Variants in PPP2R5E observed in about 807,000 individuals in gnomAD.
PPP2R5E encodes protein phosphatase 2 regulatory subunit B'epsilon, also known as serine/threonine-protein phosphatase 2A 56 kDa regulatory subunit epsilon isoform.
Under a neutral mutation model 65.3 loss-of-function variants are expected in PPP2R5E, and 4 were observed. That is an observed-to-expected ratio of 0.06 (90% CI 0.03 to 0.14). The LOEUF (loss-of-function observed/expected upper bound fraction) is 0.14. PPP2R5E is among the 10% of genes least tolerant of loss of function. The pLI, the probability that PPP2R5E is intolerant of heterozygous loss-of-function variation, is 1.00. For missense variants in PPP2R5E, 274 were observed against 556.1 expected, an observed-to-expected ratio of 0.49 and a Z score of 5.10; for synonymous variants, 183 against 187.4, an observed-to-expected ratio of 0.98 and a Z score of 0.19.
At chr14:63,541,366 C>A (rs1262024397) in intron 1 of PPP2R5E, among the ~76,000 whole-genome samples, 1 of 152,238 alleles carries the variant, frequency 6.6e-6, no homozygotes, top group Non-Finnish European at 1.5e-5. Flanking sequence ...GAGGTTTAGA[C>A]CTTGAAGTTC....
intron 11 of PPP2R5E, among the ~76,000 whole-genome samples, chr14:63,385,052 C>A (rs1156276975): frequency 6.6e-6 from 1 of 151,926 alleles, no homozygotes; most frequent in Non-Finnish European, 1.5e-5. Flanking sequence ...GTGGGCCAGG[C>A]ACGGTGGCTC....
At position 63,522,115 on chromosome 14, in the gene PPP2R5E, C is replaced by A. The variant is rs756952690; in HGVS notation, c.157+17414G>T. Among the ~76,000 whole-genome samples the A allele has an allele frequency of 6.0e-3, 911 of 151,718 alleles. 6 individuals carry two copies. Among genetic ancestry groups the A allele is most frequent in the Middle Eastern group, 0.014 (4 of 294 alleles). ...CGCGCCGCCACGCCTGACTGGTTTT[C>A]GTATTTTTTTGGTGGAGACGGGGTT... On this transcript the variant is annotated intron_variant, in intron 2 of 13. Transcript: ENST00000337537.
chr14:63,485,720 GA>G (rs1890957863), intron 2 of PPP2R5E, among the ~76,000 whole-genome samples: 1 of 150,904 alleles, frequency 6.6e-6, no homozygotes, highest in Admixed American at 6.6e-5. Flanking sequence ...AGCCAGCCAT[GA>G]TTTTTTTAAG....
intron 2 of PPP2R5E, among the ~76,000 whole-genome samples, chr14:63,485,345 T>G (rs1890930461): frequency 6.6e-6 from 1 of 152,192 alleles, no homozygotes; most frequent in Non-Finnish European, 1.5e-5. Context: ...CTTAAGCAAT[T>G]TTCCTGCCTC....
At chr14:63,421,402 G>C (rs1286190665) in intron 4 of PPP2R5E, among the ~76,000 whole-genome samples, 1 of 152,188 alleles carries the variant, frequency 6.6e-6, no homozygotes, top group African/African-American at 2.4e-5. Flanking sequence ...CAGAGATGCA[G>C]TGATGCCCCT....
intron 2 of PPP2R5E, among the ~76,000 whole-genome samples, chr14:63,522,485 ATCTAGGAAG>A (rs1892963724): frequency 7.3e-6 from 1 of 137,662 alleles, no homozygotes; most frequent in South Asian, 2.5e-4. Context: ...CCGCCATCCC[ATCTAGGAAG>A]TGAGAAACGC....
intron 2 of PPP2R5E, among the ~76,000 whole-genome samples, chr14:63,454,543 A>T (rs959766406): frequency 1.3e-5 from 2 of 152,240 alleles, no homozygotes; most frequent in African/African-American, 4.8e-5. Flanking sequence ...CTGTGAGAGA[A>T]AACCACTAAC....
chr14:63,522,143 G>T (rs1365506240), intron 2 of PPP2R5E, among the ~76,000 whole-genome samples: 1 of 152,038 alleles, frequency 6.6e-6, no homozygotes, highest in African/African-American at 2.4e-5. Flanking sequence ...ACGGGGTTTC[G>T]CTGTGTTGGC....
intron 5 of PPP2R5E, among the ~76,000 whole-genome samples, chr14:63,410,082 A>T (rs1886315494): frequency 6.6e-6 from 1 of 152,244 alleles, no homozygotes; most frequent in Admixed American, 6.5e-5. Flanking sequence ...GAGGAATGAC[A>T]GTCAGAAGAC....
chr14:63,473,914 T>C (rs887928726), intron 2 of PPP2R5E, among the ~76,000 whole-genome samples: 1 of 152,204 alleles, frequency 6.6e-6, no homozygotes, highest in East Asian at 1.9e-4. Flanking sequence ...TGGATTTAAT[T>C]CCGGATTCAG....
intron 5 of PPP2R5E, among the ~76,000 whole-genome samples, chr14:63,410,287 A>G (rs1594842682): frequency 6.6e-6 from 1 of 152,218 alleles, no homozygotes; most frequent in African/African-American, 2.4e-5. Flanking sequence ...TGATTTGTCA[A>G]AAGGAAAAGG....
intron 2 of PPP2R5E, among the ~76,000 whole-genome samples, chr14:63,484,347 T>TCACACACACACACACA (rs199749451): frequency 7.9e-5 from 11 of 139,680 alleles, no homozygotes; most frequent in South Asian, 2.3e-4. Flanking sequence ...TCTCTCTCTC[T>TCACACACACACACACA]CACACACACA....
At chr14:63,537,931 G>C (rs1893738150) in intron 2 of PPP2R5E, among the ~76,000 whole-genome samples, 1 of 152,130 alleles carries the variant, frequency 6.6e-6, no homozygotes, top group African/African-American at 2.4e-5. Context: ...AAGCAAACAT[G>C]ATGAAAATTA....
intron 2 of PPP2R5E, among the ~76,000 whole-genome samples, chr14:63,525,045 C>G (rs909992982): frequency 1.3e-5 from 2 of 152,246 alleles, no homozygotes; most frequent in African/African-American, 4.8e-5. Flanking sequence ...CTGGCTCTCT[C>G]TGCACGAGTG....
At chr14:63,381,454 T>G (rs1884351936) in intron 13 of PPP2R5E, among the ~76,000 whole-genome samples, 1 of 152,128 alleles carries the variant, frequency 6.6e-6, no homozygotes, top group African/African-American at 2.4e-5. Context: ...TCCCTTTAAG[T>G]GAACCTAAAA....
At chr14:63,381,652 TAAC>T (rs1884366995) in intron 13 of PPP2R5E, among the ~76,000 whole-genome samples, 2 of 152,154 alleles carry the variant, frequency 1.3e-5, no homozygotes, top group Non-Finnish European at 2.9e-5. Context: ...ATGTGCCAAA[TAAC>T]AACATTTCGG....
intron 2 of PPP2R5E, among the ~76,000 whole-genome samples, chr14:63,483,862 A>G (rs1890835938): frequency 6.6e-6 from 1 of 152,116 alleles, no homozygotes; most frequent in Non-Finnish European, 1.5e-5. Context: ...AGGCGGGTGG[A>G]TCACGAGGTC....
intron 11 of PPP2R5E, among the ~76,000 whole-genome samples, chr14:63,388,454 TA>T (rs148868973): frequency 5.3e-5 from 8 of 152,192 alleles, no homozygotes; most frequent in Admixed American, 5.2e-4. Flanking sequence ...TGCTCATTTT[TA>T]AAAAAATACT....
intron 3 of PPP2R5E, among the ~76,000 whole-genome samples, chr14:63,449,137 A>G (rs901931189): frequency 2.0e-5 from 3 of 152,196 alleles, no homozygotes; most frequent in African/African-American, 7.2e-5. Context: ...AGTATTTCAT[A>G]AAAAACACTA....
Sources: gnomAD v4.1 joint callset for allele counts (sites outside exome capture counted in the v4.1 genomes callset) on GRCh38, gnomAD v4.1.1 for gene constraint, MANE v1.5 for transcripts, NCBI Gene and HGNC (gene_info 2026-07-23, HGNC 2026-07-21) for gene names.